The following NFATC3 variants were observed in gnomAD, a reference collection of about 807,000 sequenced individuals.
NFATC3 encodes nuclear factor of activated T cells 3, also known as nuclear factor of activated T-cells, cytoplasmic 3.
In NFATC3, 46 loss-of-function variants were observed where a neutral mutation model predicts 98.6. That is an observed-to-expected ratio of 0.47 (90% CI 0.37 to 0.60). The LOEUF is 0.60. Among genes scored for constraint, NFATC3 ranks in the 20% least tolerant of loss-of-function variants. The pLI, the probability that NFATC3 is intolerant of heterozygous loss-of-function variation, is 0.00. For missense variants in NFATC3, 1,256 were observed against 1,295.5 expected (o/e 0.97, Z 0.47); for synonymous variants, 512 against 472.2 (o/e 1.08, Z -1.09).
intron 2 of NFATC3, among the ~76,000 whole-genome samples, chr16:68,125,937 G>T (rs1000928636): frequency 6.6e-6 from 1 of 151,964 alleles, no homozygotes; most frequent in African/African-American, 2.4e-5. Context: ...CTTTTGGCCA[G>T]GCTGGAGTGC....
intron 9 of NFATC3, among the ~76,000 whole-genome samples, chr16:68,212,880 C>G (rs1196285942): frequency 6.8e-6 from 1 of 146,862 alleles, no homozygotes; most frequent in East Asian, 2.0e-4. Context: ...AGCTCTACCT[C>G]CCAGGTTCAC....
chr16:68,147,205 G>A (rs2151552839), intron 3 of NFATC3, among the ~76,000 whole-genome samples: 1 of 152,182 alleles, frequency 6.6e-6, no homozygotes, highest in South Asian at 2.1e-4. Flanking sequence ...ATATGACTAG[G>A]ATTCTTTGGT....
chr16:68,193,370 A>G (rs1219449839), intron 9 of NFATC3, among the ~76,000 whole-genome samples: 2 of 152,158 alleles, frequency 1.3e-5, no homozygotes, highest in Admixed American at 1.3e-4. Flanking sequence ...CAAGTTTCAC[A>G]GTCACCCTGT....
chr16:68,212,039 G>T (rs2041427149), intron 9 of NFATC3, among the ~76,000 whole-genome samples: 2 of 152,144 alleles, frequency 1.3e-5, no homozygotes, highest in African/African-American at 4.8e-5. Context: ...GCTTTCTTAT[G>T]ATTTTTATGC....
chr16:68,223,129 T>G (rs117078321), intron 9 of NFATC3, among the ~76,000 whole-genome samples: 2,827 of 152,354 alleles, frequency 0.019, 37 homozygotes, highest in Non-Finnish European at 0.03. Flanking sequence ...AAAGAAACTA[T>G]TCCAGTGAGT....
intron 6 of NFATC3, among the ~76,000 whole-genome samples, chr16:68,176,617 A>G (rs73612217): frequency 0.013 from 1,996 of 152,230 alleles, 42 homozygotes; most frequent in African/African-American, 0.045. Context: ...AATCCACTAG[A>G]GGTGAAATGG....
chr16:68,167,810 C>CCTTTTTTTTTTTTTTTTTTTTTTTTTT, intron 5 of NFATC3, among the ~76,000 whole-genome samples: 1 of 23,920 alleles, frequency 4.2e-5, no homozygotes, highest in East Asian at 1.9e-3. Context: ...CGTATGTGTT[C>CCTTTTTTTTTTTTTTTTTTTTTTTTTT]TTTTTTTTTT....
intron 9 of NFATC3, among the ~76,000 whole-genome samples, chr16:68,196,927 G>GAGTCCCA (rs1446232797): frequency 6.6e-6 from 1 of 151,990 alleles, no homozygotes; most frequent in Non-Finnish European, 1.5e-5. Flanking sequence ...CTACTTGGGA[G>GAGTCCCA]GCTGAGGCAG....
chr16:68,210,922 C>T (rs1279505667), intron 9 of NFATC3, among the ~76,000 whole-genome samples: 1 of 152,046 alleles, frequency 6.6e-6, no homozygotes, highest in Non-Finnish European at 1.5e-5. Context: ...GCTGGGACTA[C>T]AAGTGCGCAC....
rs1372936259 is a variant in NFATC3 at position 68,228,023 on chromosome 16, ACT to A, written c.*1559_*1560del. ...GAGACTGCAGGCCCTTGATGCCAGGACTCTCTCTACTAAGGCCAGTTCAGGTC... is the reference window on the plus strand; with the variant it reads ...GAGACTGCAGGCCCTTGATGCCAGGACTCTCTACTAAGGCCAGTTCAGGTC... On this transcript the variant is annotated 3_prime_UTR_variant, in exon 10 of 10. Coordinates refer to ENST00000346183, the MANE Select transcript of NFATC3 (RefSeq NM_173165.3). 6.6e-6 allele frequency: 1 copy of A among 151,940 alleles called. No individual in the cohort carries two copies. The highest frequency in any genetic ancestry group is 1.5e-5 in the Non-Finnish European group (1 of 68,002). The allele number at this position is 151,940 out of a possible 1,614,324, so 9.4% of individuals were successfully genotyped here. A position where few individuals can be genotyped will look rare whatever the true frequency, so the allele number is the denominator to read the frequency against.
At chr16:68,206,641 T>G (rs2041156408) in intron 9 of NFATC3, among the ~76,000 whole-genome samples, 1 of 152,146 alleles carries the variant, frequency 6.6e-6, no homozygotes, top group Non-Finnish European at 1.5e-5. Flanking sequence ...AGGAATAATA[T>G]TCAATTTTTT....
rs1269885645 is a variant in NFATC3, at chr16:68,215,796, C to G, written c.3107-10554C>G. Reference sequence around the variant, plus strand: ...AGGCTGGAGTGCAGTGGTGCGATCTCCGCTCACTGCACGCTCCGCCTCCCA... The same window carrying G: ...AGGCTGGAGTGCAGTGGTGCGATCTGCGCTCACTGCACGCTCCGCCTCCCA... On this transcript the variant is annotated intron_variant, in intron 9 of 9. Transcript: ENST00000346183. 2.1e-5 allele frequency among the ~76,000 whole-genome samples: 3 copies of G among 141,770 alleles called. No homozygotes were observed. In the East Asian group the frequency reaches 6.2e-4, roughly 29 times the overall value. 93.0% of individuals were successfully genotyped at this position (141,770 alleles called of 152,430 possible).
intron 3 of NFATC3, chr16:68,138,747 C>G: frequency 1.6e-6 from 2 of 1,288,622 alleles, no homozygotes; most frequent in Non-Finnish European, 2.0e-6. Flanking sequence ...CATCAAAACT[C>G]TGTATTCTGT....
At position 68,228,476 on chromosome 16, in the gene NFATC3, C is replaced by G. The variant is rs2042077583; in HGVS notation, c.*2005C>G. ...CTTTGTGCCCTCAAGAATTAAAAGCCTCTATGATCCAGAGTTGCTATGCAC... is the reference window on the plus strand; with the variant it reads ...CTTTGTGCCCTCAAGAATTAAAAGCGTCTATGATCCAGAGTTGCTATGCAC... On this transcript the variant is annotated 3_prime_UTR_variant, in exon 10 of 10. Coordinates refer to ENST00000346183, the MANE Select transcript of NFATC3 (RefSeq NM_173165.3). 6.6e-6 allele frequency: 1 copy of G among 152,568 alleles called. No individual in the cohort carries two copies. Among genetic ancestry groups the G allele is most frequent in the Admixed American group, 6.5e-5 (1 of 15,282 alleles). The allele number at this position is 152,568 out of a possible 1,614,324, so 9.5% of individuals were successfully genotyped here.
At chr16:68,144,171 A>T (rs1027632959) in intron 3 of NFATC3, among the ~76,000 whole-genome samples, 6 of 152,222 alleles carry the variant, frequency 3.9e-5, no homozygotes. Context: ...GTTAGAAAAG[A>T]TGCCAAAGAC....
At chr16:68,153,164 AGGCAGGTGGATCACCTGAGGCCAG>A (rs552985793) in intron 3 of NFATC3, among the ~76,000 whole-genome samples, 79 of 152,324 alleles carry the variant, frequency 5.2e-4, no homozygotes, top group East Asian at 1.2e-3. Context: ...TGGGAAGCCA[AGGCAGGTGGATCACCTGAGGCCAG>A]GGCAGGTGGA....
At chr16:68,175,840 G>A (rs140881545) in intron 6 of NFATC3, among the ~76,000 whole-genome samples, 140 of 152,048 alleles carry the variant, frequency 9.2e-4, no homozygotes, top group Non-Finnish European at 1.8e-3. Context: ...GGATCTACGC[G>A]CCAGTCATGA....
intron 8 of NFATC3, among the ~76,000 whole-genome samples, chr16:68,183,579 T>A (rs552604380): frequency 1.2e-4 from 19 of 152,330 alleles, no homozygotes; most frequent in Admixed American, 2.6e-4. Flanking sequence ...AATTAGAAGA[T>A]GGACGGTAGG....
intron 4 of NFATC3, among the ~76,000 whole-genome samples, chr16:68,161,571 C>T (rs1346511312): frequency 6.6e-6 from 1 of 152,170 alleles, no homozygotes; most frequent in African/African-American, 2.4e-5. Context: ...TTCCCGATGG[C>T]ATGGTAGATT....
Sources: allele counts gnomAD v4.1 joint callset (sites outside exome capture counted in the v4.1 genomes callset), GRCh38; gene constraint gnomAD v4.1.1; transcripts MANE v1.5; gene names NCBI Gene and HGNC (gene_info 2026-07-23, HGNC 2026-07-21).